The following CXorf58 variants were observed in gnomAD, a reference collection of about 807,000 sequenced individuals.
CXorf58 encodes the protein uncharacterized protein CXorf58.
In CXorf58, 24 loss-of-function variants were observed where a neutral mutation model predicts 26.0. That is an observed-to-expected ratio of 0.92 (90% CI 0.67 to 1.30). The LOEUF is 1.30. CXorf58 is among the 50% of genes most tolerant of loss of function. The pLI is 0.00. For synonymous variants in CXorf58, 87 were observed against 86.1 expected (o/e 1.01, Z -0.06); for missense variants, 236 against 263.9 (o/e 0.89, Z 0.73).
intron 5 of CXorf58, among the ~76,000 whole-genome samples, chrX:23,920,740 A>AT (rs1242971632): frequency 2.6e-4 from 28 of 108,582 alleles, no homozygotes; most frequent in African/African-American, 9.6e-4. Flanking sequence ...TAAAATACAA[A>AT]ATTAGCCGGG....
chrX:23,927,442 A>G (rs1928042955), intron 6 of CXorf58, 72 bp downstream of exon 6: 1 of 607,285 alleles, frequency 1.6e-6, no homozygotes, highest in Non-Finnish European at 2.4e-6. Flanking sequence ...AAGAAGATAG[A>G]ATCATACTTT....
At chrX:23,911,583 A>T (rs1359902970) in intron 2 of CXorf58, among the ~76,000 whole-genome samples, 174 bp from the exon 3 acceptor site, 1 of 110,201 alleles carries the variant, frequency 9.1e-6, no homozygotes, top group East Asian at 2.8e-4. Flanking sequence ...CCTCATTCTG[A>T]GTAGATTCTG....
chrX:23,916,470 C>G (rs1927726100), intron 5 of CXorf58, 142 bp downstream of exon 5: 2 of 310,695 alleles, frequency 6.4e-6, no homozygotes, highest in Non-Finnish European at 1.1e-5. Flanking sequence ...TTTTTAAGCA[C>G]CATGTTTCAA....
At chrX:23,934,668 A>G (rs1038258828) in intron 6 of CXorf58, among the ~76,000 whole-genome samples, 1 of 110,956 alleles carries the variant, frequency 9.0e-6, no homozygotes, top group Non-Finnish European at 1.9e-5. Flanking sequence ...GGTGTGCTGC[A>G]CCCATTAACT....
chrX:23,917,871 C>T lies in CXorf58; in HGVS notation c.423+1543C>T, dbSNP rs888687421. ...ATTTTATTTTTTTGAGACGGAGTCT[C>T]GCTCTGTCGCCCAGGCTGGAGTGCA... On this transcript the variant is annotated intron_variant, in intron 5 of 8. Coordinates refer to ENST00000379211, the MANE Select transcript of CXorf58 (RefSeq NM_152761.3). Among the ~76,000 whole-genome samples the T allele has an allele frequency of 3.6e-5, 4 of 110,121 alleles. 1 individual carries two copies. In the South Asian group the frequency reaches 1.1e-3, roughly 32 times the overall value.
intron 6 of CXorf58, among the ~76,000 whole-genome samples, chrX:23,930,117 A>T (rs899558946): frequency 1.0e-5 from 1 of 97,067 alleles, no homozygotes; most frequent in Non-Finnish European, 2.0e-5. Context: ...GAATGGCGTG[A>T]ACCCAGGAGG....
chrX:23,933,068 G>T (rs1050482532), intron 6 of CXorf58, among the ~76,000 whole-genome samples: 2 of 111,049 alleles, frequency 1.8e-5, no homozygotes. Context: ...GGCAGAGGCC[G>T]GAGGATTGCT....
intron 3 of CXorf58, among the ~76,000 whole-genome samples, chrX:23,914,753 C>T (rs150881661): frequency 0.032 from 3,533 of 110,740 alleles, 56 homozygotes; most frequent in Non-Finnish European, 0.051. Context: ...GGCATGGTGG[C>T]GCATGCCTGT....
At chrX:23,923,939 G>A (rs1601963697) in intron 5 of CXorf58, among the ~76,000 whole-genome samples, 1 of 106,560 alleles carries the variant, frequency 9.4e-6, no homozygotes, top group Admixed American at 1.0e-4. Flanking sequence ...GGTGGTGCAC[G>A]CCTGTAGTCC....
At position 23,915,707 on chromosome X, in the gene CXorf58, A is replaced by C; in HGVS notation, c.224A>C (p.Tyr75Ser). The C allele has an allele frequency of 8.6e-7, 1 of 1,165,235 alleles. No individual in the cohort carries two copies. The highest frequency in any genetic ancestry group is 2.4e-4 in the Middle Eastern group (1 of 4,236). Residue 75 changes from tyrosine (Y) to serine (S), a missense_variant, in exon 4 of 9, where the codon TAT (tyrosine) becomes TCT (serine). Tyr to Ser is a moderately radical substitution (Grantham distance 144). Transcript: ENST00000379211. ...LKHAICAAEF[Y>S]VTHEILKKVA... The stretch of plus-strand genomic sequence containing the variant: ...CACTGTCCTTTATTTCAGGAATTCT[A>C]TGTAACACATGAAATACTGAAGAAA...
intron 5 of CXorf58, among the ~76,000 whole-genome samples, chrX:23,916,955 C>G: frequency 9.1e-6 from 1 of 109,400 alleles, no homozygotes. Context: ...AATTTAATGC[C>G]ATTTTATTTG....
At chrX:23,924,968 T>C (rs1350621558) in intron 5 of CXorf58, among the ~76,000 whole-genome samples, 1 of 111,267 alleles carries the variant, frequency 9.0e-6, no homozygotes, top group Non-Finnish European at 1.9e-5. Context: ...ATTTACCAAC[T>C]TTATTGAAAA....
chrX:23,909,919 T>C (rs1272972422), intron 1 of CXorf58, among the ~76,000 whole-genome samples: 1 of 111,919 alleles, frequency 8.9e-6, no homozygotes, highest in Non-Finnish European at 1.9e-5. Flanking sequence ...CTGAGGACTC[T>C]GTAGTTAACA....
chrX:23,920,206 G>A (rs1051072195), intron 5 of CXorf58, among the ~76,000 whole-genome samples: 1 of 112,504 alleles, frequency 8.9e-6, no homozygotes, highest in African/African-American at 3.2e-5. Flanking sequence ...TCAGCAGGTG[G>A]CAAATCCGGA....
intron 2 of CXorf58, among the ~76,000 whole-genome samples, chrX:23,910,806 C>T (rs1927558643): frequency 1.1e-5 from 1 of 94,957 alleles, no homozygotes; most frequent in African/African-American, 3.9e-5. Context: ...CACTCTGCCA[C>T]CCAGGCTGGA....
intron 6 of CXorf58, 43 bp downstream of exon 6, chrX:23,927,413 C>T (rs780131362): frequency 1.2e-5 from 11 of 908,126 alleles, no homozygotes; most frequent in Non-Finnish European, 1.6e-5. Context: ...CCCAGCAAGT[C>T]TTCCTAACTC....
intron 3 of CXorf58, among the ~76,000 whole-genome samples, chrX:23,914,035 A>G (rs1927653330): frequency 8.9e-6 from 1 of 111,998 alleles, no homozygotes; most frequent in African/African-American, 3.2e-5. Context: ...TTTATCTGTT[A>G]TAGTAATACT....
intron 5 of CXorf58, among the ~76,000 whole-genome samples, chrX:23,917,917 T>C (rs1281639539): frequency 9.0e-6 from 1 of 111,380 alleles, no homozygotes; most frequent in Non-Finnish European, 1.9e-5. Flanking sequence ...CTTGGCTCAC[T>C]ACAAGCTCCG....
chrX:23,928,961 A>G (rs751811031), intron 6 of CXorf58, among the ~76,000 whole-genome samples: 5 of 112,168 alleles, frequency 4.5e-5, no homozygotes, highest in Admixed American at 2.9e-4. Context: ...AAGCTGAGAT[A>G]GGCCAAAAGC....
Sources: gnomAD v4.1 joint callset for allele counts (sites outside exome capture counted in the v4.1 genomes callset) on GRCh38, gnomAD v4.1.1 for gene constraint, MANE v1.5 for transcripts, NCBI Gene and HGNC (gene_info 2026-07-23, HGNC 2026-07-21) for gene names.